CTNNA3: variants seen among roughly 807,000 people sequenced by gnomAD.
The protein encoded by CTNNA3 is catenin alpha 3.
CTNNA3 carries 76 observed loss-of-function variants against 95.7 expected under a neutral mutation model. That is an observed-to-expected ratio of 0.79 (90% CI 0.66 to 0.96). The LOEUF is 0.96. Ranked by LOEUF, CTNNA3 falls within the 40% of genes least tolerant of loss-of-function variation. The pLI, the probability that CTNNA3 is intolerant of heterozygous loss-of-function variation, is 0.00. For missense variants in CTNNA3, 1,191 were observed against 1,089.8 expected (o/e 1.09, Z -1.31); for synonymous variants, 431 against 374.4 (o/e 1.15, Z -1.74).
intron 1 of CTNNA3, among the ~76,000 whole-genome samples, chr10:67,748,098 G>A (rs1412436912): frequency 6.6e-6 from 1 of 152,110 alleles, no homozygotes; most frequent in Admixed American, 6.6e-5. Context: ...AGAACTATGG[G>A]ACTACATAAA....
intron 13 of CTNNA3, among the ~76,000 whole-genome samples, chr10:66,268,925 G>A (rs2091217731): frequency 6.6e-6 from 1 of 152,172 alleles, no homozygotes; most frequent in Non-Finnish European, 1.5e-5. Flanking sequence ...CTACCTTGTA[G>A]AGACCTATTC....
intron 13 of CTNNA3, among the ~76,000 whole-genome samples, chr10:66,206,603 C>A (rs948133401): frequency 5.3e-5 from 8 of 151,758 alleles, no homozygotes; most frequent in African/African-American, 1.9e-4. Context: ...GATCAGAAAC[C>A]ACTTCATAGG....
At chr10:66,190,604 T>A (rs988366474) in intron 13 of CTNNA3, among the ~76,000 whole-genome samples, 1 of 152,166 alleles carries the variant, frequency 6.6e-6, no homozygotes, top group Admixed American at 6.5e-5. Context: ...TTTGCCTATA[T>A]GCAAGTCAGC....
rs775041349 is a variant in CTNNA3 at position 67,021,669 on chromosome 10, C to T, written c.1047+158648G>A. On this transcript the variant is annotated intron_variant, in intron 7 of 17. Transcript: ENST00000433211. ...GCAACTAAAATGTAAATATATATTCCGAAAAAAATGGCAAAAGTACATATA... is the reference window on the plus strand; with the variant it reads ...GCAACTAAAATGTAAATATATATTCTGAAAAAAATGGCAAAAGTACATATA... Among the ~76,000 whole-genome samples, 15 of 151,552 alleles carry T rather than the reference C, an allele frequency of 9.9e-5. No individual in the cohort carries two copies. The South Asian group carries it at 1.0e-3, about 11-fold the overall frequency.
rs373922228 is a variant in CTNNA3, at chr10:67,630,912, GA to G, written c.99+16502del. On this transcript the variant is annotated intron_variant, in intron 2 of 17. Coordinates refer to ENST00000433211, the MANE Select transcript of CTNNA3 (RefSeq NM_013266.4). Reference sequence around the variant, plus strand: ...TTTAACTCACATTCAACATAAATCTGACACCTACCAAACTGTATTTTGCAGC... The same window carrying G: ...TTTAACTCACATTCAACATAAATCTGCACCTACCAAACTGTATTTTGCAGC... Among the ~76,000 whole-genome samples, 520 of 152,222 alleles carry G rather than the reference GA, an allele frequency of 3.4e-3. 4 individuals carry two copies. The highest frequency in any genetic ancestry group is 0.015 in the South Asian group (70 of 4,824).
At chr10:67,140,728 A>C (rs1007017288) in intron 7 of CTNNA3, among the ~76,000 whole-genome samples, 2 of 152,188 alleles carry the variant, frequency 1.3e-5, no homozygotes, top group Admixed American at 6.5e-5. Flanking sequence ...TATAAATACT[A>C]ATATTCTAAG....
intron 11 of CTNNA3, among the ~76,000 whole-genome samples, chr10:66,445,149 C>A (rs1456917088): frequency 1.3e-5 from 2 of 151,676 alleles, no homozygotes; most frequent in East Asian, 3.9e-4. Flanking sequence ...GCACCCAATA[C>A]AGGAGCAACC....
intron 12 of CTNNA3, among the ~76,000 whole-genome samples, chr10:66,375,109 A>G (rs536590242): frequency 1.3e-5 from 2 of 152,248 alleles, no homozygotes; most frequent in Non-Finnish European, 1.5e-5. Context: ...ATTTGATGTG[A>G]GAAACAAGGG....
At chr10:66,664,625 G>T (rs775388106) in intron 9 of CTNNA3, among the ~76,000 whole-genome samples, 17 of 151,858 alleles carry the variant, frequency 1.1e-4, no homozygotes, top group Non-Finnish European at 1.9e-4. Context: ...ACTATTAACT[G>T]ACTGGAATCA....
At chr10:66,094,043 T>C (rs371011666) in intron 14 of CTNNA3, among the ~76,000 whole-genome samples, 101 of 152,104 alleles carry the variant, frequency 6.6e-4, no homozygotes, top group African/African-American at 2.2e-3. Flanking sequence ...ACAATGAATA[T>C]CAAAATGTGA....
At chr10:67,197,901 T>A (rs1213513187) in intron 6 of CTNNA3, among the ~76,000 whole-genome samples, 1 of 152,044 alleles carries the variant, frequency 6.6e-6, no homozygotes, top group Non-Finnish European at 1.5e-5. Flanking sequence ...CATTTTGGAG[T>A]CTACATAAAG....
intron 7 of CTNNA3, among the ~76,000 whole-genome samples, chr10:67,080,178 T>C (rs1466556670): frequency 2.8e-4 from 43 of 152,138 alleles, no homozygotes; most frequent in Admixed American, 2.8e-3. Context: ...AGAAAATTAT[T>C]CCTTTTACGT....
intron 7 of CTNNA3, among the ~76,000 whole-genome samples, chr10:66,946,081 AAC>A (rs1848258329): frequency 6.6e-6 from 1 of 152,190 alleles, no homozygotes; most frequent in African/African-American, 2.4e-5. Context: ...GCTGTTGAAA[AAC>A]AGAGCTCATA....
intron 7 of CTNNA3, among the ~76,000 whole-genome samples, chr10:67,154,186 G>T (rs115887963): frequency 6.6e-5 from 10 of 152,030 alleles, no homozygotes; most frequent in Non-Finnish European, 1.3e-4. Flanking sequence ...TAACTTTTAC[G>T]ATAAGAGTAA....
rs569103650 is a variant in CTNNA3, at chr10:67,484,449, T to C, written c.579+37393A>G. On this transcript the variant is annotated intron_variant, in intron 5 of 17. Transcript: ENST00000433211. ...TCAAAACCATTTACCAAAAAAAAAG[T>C]GAGAAGTGGGATCTAATTAAACAGA... Among the ~76,000 whole-genome samples, 10 of 151,566 alleles carry C rather than the reference T, an allele frequency of 6.6e-5. No individual in the cohort carries two copies. The South Asian group carries it at 2.1e-3, about 31-fold the overall frequency.
chr10:66,658,637 G>C (rs1846151121), intron 9 of CTNNA3, among the ~76,000 whole-genome samples: 1 of 152,122 alleles, frequency 6.6e-6, no homozygotes, highest in East Asian at 1.9e-4. Flanking sequence ...AAAAAGAAGA[G>C]GTGTGACAAA....
intron 5 of CTNNA3, among the ~76,000 whole-genome samples, chr10:67,508,480 T>TA (rs1397193981): frequency 6.6e-6 from 1 of 152,236 alleles, no homozygotes; most frequent in Non-Finnish European, 1.5e-5. Flanking sequence ...AATTTATTTT[T>TA]ATCCTACATC....
intron 5 of CTNNA3, among the ~76,000 whole-genome samples, chr10:67,229,941 C>G (rs1377138732): frequency 6.6e-6 from 1 of 152,042 alleles, no homozygotes; most frequent in Non-Finnish European, 1.5e-5. Context: ...AAAATACTAC[C>G]ATCATTCTTC....
At chr10:67,430,528 A>C (rs548624340) in intron 5 of CTNNA3, among the ~76,000 whole-genome samples, 1 of 152,070 alleles carries the variant, frequency 6.6e-6, no homozygotes, top group South Asian at 2.1e-4. Flanking sequence ...ATTTAATAGT[A>C]CCCAGAATTT....
Sources: allele counts gnomAD v4.1 joint callset (sites outside exome capture counted in the v4.1 genomes callset), GRCh38; gene constraint gnomAD v4.1.1; transcripts MANE v1.5; gene names NCBI Gene and HGNC (gene_info 2026-07-23, HGNC 2026-07-21).